The following SLC44A5 variants were observed in gnomAD, a reference collection of about 807,000 sequenced individuals.
SLC44A5 encodes the protein choline transporter-like protein 5.
Under a neutral mutation model 101.8 loss-of-function variants are expected in SLC44A5, and 57 were observed. The observed-to-expected ratio is 0.56, with a 90% confidence interval of 0.45 to 0.70. The LOEUF (loss-of-function observed/expected upper bound fraction) is 0.70, where lower values mean the gene tolerates loss of function less well. Among genes scored for constraint, SLC44A5 ranks in the 30% least tolerant of loss-of-function variants. The pLI is 0.00. For missense variants in SLC44A5, 737 were observed against 853.1 expected, an observed-to-expected ratio of 0.86 and a Z score of 1.70; for synonymous variants, 281 against 290.9, an observed-to-expected ratio of 0.97 and a Z score of 0.35.
chr1:75,408,804 C>G (rs1054203199), intron 2 of SLC44A5, among the ~76,000 whole-genome samples: 7 of 152,020 alleles, frequency 4.6e-5, no homozygotes, highest in African/African-American at 9.7e-5. Flanking sequence ...ACATGTATAC[C>G]TATGTAACAA....
At chr1:75,543,698 C>CATATATAT (rs368645591) in intron 1 of SLC44A5, among the ~76,000 whole-genome samples, 1 of 145,712 alleles carries the variant, frequency 6.9e-6, no homozygotes, top group Non-Finnish European at 1.5e-5. Flanking sequence ...CATATATATA[C>CATATATAT]ATATATATAT....
At chr1:75,462,593 G>T (rs1666564851) in intron 2 of SLC44A5, among the ~76,000 whole-genome samples, 1 of 152,004 alleles carries the variant, frequency 6.6e-6, no homozygotes, top group South Asian at 2.1e-4. Flanking sequence ...TTCAGACAAA[G>T]AATTCAAAAG....
rs17096513 is a variant in SLC44A5 at position 75,238,016 on chromosome 1, G to C, written c.656+497C>G. ...CCATGTGTGTAGAGCCAAGGGACGT[G>C]GGGAATTTACTGCATTATACTTAGT... On this transcript the variant is annotated intron_variant, in intron 10 of 23. Coordinates refer to ENST00000370859, the MANE Select transcript of SLC44A5 (RefSeq NM_001130058.2). 4.9e-3 allele frequency among the ~76,000 whole-genome samples: 736 copies of C among 151,500 alleles called. 12 individuals are homozygous for C. The highest frequency in any genetic ancestry group is 0.017 in the African/African-American group (686 of 41,298).
intron 2 of SLC44A5, among the ~76,000 whole-genome samples, chr1:75,496,587 C>T (rs1379281902): frequency 6.8e-6 from 1 of 146,788 alleles, no homozygotes; most frequent in Non-Finnish European, 1.5e-5. Flanking sequence ...ATCACAAGCA[C>T]ACAAGGAAAC....
intron 2 of SLC44A5, among the ~76,000 whole-genome samples, chr1:75,422,104 G>C (rs1417767054): frequency 6.6e-6 from 1 of 152,130 alleles, no homozygotes; most frequent in East Asian, 1.9e-4. Flanking sequence ...TTAAGAGGCT[G>C]TGCTTTTTCA....
At chr1:75,384,043 G>C (rs11485322) in intron 3 of SLC44A5, among the ~76,000 whole-genome samples, 39,097 of 150,792 alleles carry the variant, frequency 0.26, 5,459 homozygotes, top group African/African-American at 0.36. Context: ...CCCTAAAAGA[G>C]CTCCTGAAGG....
At position 75,470,194 on chromosome 1, in the gene SLC44A5, A is replaced by T. The variant is rs563869511; in HGVS notation, c.13+71241T>A. Reference sequence around the variant, plus strand: ...ATCAATCCTCAAGACAATACTTTTTAAAAAAATTGAATGAAGTCTACACGT... The same window carrying T: ...ATCAATCCTCAAGACAATACTTTTTTAAAAAATTGAATGAAGTCTACACGT... On this transcript the variant is annotated intron_variant, in intron 2 of 23. Transcript: ENST00000370859. 7.4e-4 allele frequency among the ~76,000 whole-genome samples: 113 copies of T among 152,276 alleles called. No individual in the cohort carries two copies. In the South Asian group the frequency reaches 7.7e-3, roughly 10 times the overall value.
intron 5 of SLC44A5, among the ~76,000 whole-genome samples, chr1:75,297,035 C>G (rs967972140): frequency 6.6e-6 from 1 of 152,118 alleles, no homozygotes; most frequent in Non-Finnish European, 1.5e-5. Flanking sequence ...GACTCCTCCA[C>G]GTAGCTGCTA....
chr1:75,606,009 A>G (rs1283596224), intron 1 of SLC44A5, among the ~76,000 whole-genome samples: 1 of 152,070 alleles, frequency 6.6e-6, no homozygotes, highest in Non-Finnish European at 1.5e-5. Context: ...GGATGCCACC[A>G]GCGCCACTCC....
At chr1:75,243,615 T>C (rs923400704) in intron 7 of SLC44A5, among the ~76,000 whole-genome samples, 4 of 152,104 alleles carry the variant, frequency 2.6e-5, no homozygotes, top group Non-Finnish European at 4.4e-5. Flanking sequence ...TGAGGAATAA[T>C]AGGGATTTCA....
At chr1:75,340,252 T>G (rs1010616027) in intron 3 of SLC44A5, among the ~76,000 whole-genome samples, 6 of 152,298 alleles carry the variant, frequency 3.9e-5, no homozygotes, top group African/African-American at 1.2e-4. Context: ...TATTACCCTT[T>G]TCTTTAAACA....
chr1:75,625,509 G>A, the SLC44A5 span, among the ~76,000 whole-genome samples: 1 of 152,068 alleles, frequency 6.6e-6, no homozygotes, highest in Non-Finnish European at 1.5e-5. Context: ...GGTTTCGCAG[G>A]CCAAAAATAC....
At chr1:75,449,787 G>C (rs1474868949) in intron 2 of SLC44A5, among the ~76,000 whole-genome samples, 2 of 152,084 alleles carry the variant, frequency 1.3e-5, no homozygotes, top group African/African-American at 4.8e-5. Context: ...CGGATCACAA[G>C]GTCAAGAGAC....
intron 4 of SLC44A5, among the ~76,000 whole-genome samples, chr1:75,327,341 A>C (rs1238842018): frequency 1.3e-5 from 2 of 152,222 alleles, no homozygotes; most frequent in East Asian, 3.8e-4. Flanking sequence ...TATCCTGAAT[A>C]CAGTTCAACA....
At chr1:75,547,220 T>C (rs992696532) in intron 1 of SLC44A5, among the ~76,000 whole-genome samples, 4 of 152,144 alleles carry the variant, frequency 2.6e-5, no homozygotes, top group African/African-American at 9.7e-5. Flanking sequence ...TATGTCCTAA[T>C]TGAAGAAAAC....
At chr1:75,302,096 G>A (rs1013966520) in intron 4 of SLC44A5, among the ~76,000 whole-genome samples, 1 of 118,428 alleles carries the variant, frequency 8.4e-6, no homozygotes, top group Non-Finnish European at 1.7e-5. Flanking sequence ...AAGAAAGCAG[G>A]TGCTCTAGTT....
At chr1:75,355,188 A>C (rs1458879936) in intron 3 of SLC44A5, among the ~76,000 whole-genome samples, 4 of 152,210 alleles carry the variant, frequency 2.6e-5, no homozygotes, top group African/African-American at 9.6e-5. Context: ...TTTTACAAAG[A>C]AATAAAACCA....
At chr1:75,514,513 C>T (rs1669725738) in intron 2 of SLC44A5, among the ~76,000 whole-genome samples, 1 of 152,166 alleles carries the variant, frequency 6.6e-6, no homozygotes, top group South Asian at 2.1e-4. Flanking sequence ...TGATTCATTT[C>T]TTTTTGGACT....
intron 2 of SLC44A5, among the ~76,000 whole-genome samples, chr1:75,469,067 T>C (rs536378378): frequency 1.3e-5 from 2 of 152,308 alleles, no homozygotes; most frequent in South Asian, 2.1e-4. Flanking sequence ...AAGAAACAGA[T>C]GAAATTAATT....
Sources: allele counts gnomAD v4.1 joint callset (sites outside exome capture counted in the v4.1 genomes callset), GRCh38; gene constraint gnomAD v4.1.1; transcripts MANE v1.5; gene names NCBI Gene and HGNC (gene_info 2026-07-23, HGNC 2026-07-21).